COLGALT2: variants seen among roughly 807,000 people sequenced by gnomAD.
The protein encoded by COLGALT2 is collagen beta(1-O)galactosyltransferase 2, also known as procollagen galactosyltransferase 2.
In COLGALT2, 49 loss-of-function variants were observed where a neutral mutation model predicts 73.4. The ratio of observed to expected loss-of-function variants is 0.67; its 90% confidence interval spans 0.53 to 0.85. The LOEUF (loss-of-function observed/expected upper bound fraction) is 0.85. Among genes scored for constraint, COLGALT2 ranks in the 40% least tolerant of loss-of-function variants. The probability of loss-of-function intolerance (pLI) is 0.00; values close to 1 mark genes in which losing one functional copy is unlikely to be tolerated. For missense variants in COLGALT2, 722 were observed against 790.2 expected, an observed-to-expected ratio of 0.91 and a Z score of 1.03; for synonymous variants, 295 against 307.6, an observed-to-expected ratio of 0.96 and a Z score of 0.43.
At chr1:183,960,137 TC>T (rs1195118911) in intron 6 of COLGALT2, among the ~76,000 whole-genome samples, 1 of 152,180 alleles carries the variant, frequency 6.6e-6, no homozygotes, top group Non-Finnish European at 1.5e-5. Flanking sequence ...CCTGATTATC[TC>T]TTCTAACACC....
chr1:183,957,733 G>A (rs1388673230), intron 6 of COLGALT2, among the ~76,000 whole-genome samples: 1 of 141,546 alleles, frequency 7.1e-6, no homozygotes, highest in African/African-American at 2.6e-5. Context: ...GTTGCTAGGT[G>A]TTTTCATAGT....
At chr1:183,978,235 G>T (rs1477108181) in intron 2 of COLGALT2, among the ~76,000 whole-genome samples, 175 bp downstream of exon 2, 1 of 152,178 alleles carries the variant, frequency 6.6e-6, no homozygotes, top group African/African-American at 2.4e-5. Flanking sequence ...TAAACAGCAA[G>T]AGAGTACTGT....
intron 6 of COLGALT2, among the ~76,000 whole-genome samples, chr1:183,961,432 T>C (rs1006812159): frequency 3.3e-5 from 5 of 152,060 alleles, no homozygotes; most frequent in Admixed American, 2.0e-4. Context: ...CCAGAGAGAC[T>C]CTCCCTACTT....
Position 183,938,215 on chromosome 1 carries a change from A to C in COLGALT2, c.*546T>G. 1 of 970,460 alleles carries C rather than the reference A, an allele frequency of 1.0e-6. No homozygotes were observed. Among genetic ancestry groups the C allele is most frequent in the Non-Finnish European group, 1.2e-6 (1 of 818,168 alleles). 60.1% of individuals were successfully genotyped at this position (970,460 alleles called of 1,614,324 possible). A position where few individuals can be genotyped will look rare whatever the true frequency, so the allele number is the denominator to read the frequency against. Reference sequence around the variant, plus strand: ...GACTAAGATTTTTTTTTTTTAAAAAATCTACTTTTCAATAAGACTTGTGAC... The same window carrying C: ...GACTAAGATTTTTTTTTTTTAAAAACTCTACTTTTCAATAAGACTTGTGAC... On this transcript the variant is annotated 3_prime_UTR_variant, in exon 12 of 12. Transcript: ENST00000361927.
intron 1 of COLGALT2, among the ~76,000 whole-genome samples, chr1:184,033,815 G>C (rs1480622378): frequency 6.6e-6 from 1 of 152,220 alleles, no homozygotes; most frequent in Non-Finnish European, 1.5e-5. Context: ...TCTAGCCTGT[G>C]AGTGGATGAA....
intron 4 of COLGALT2, 62 bp downstream of exon 4, chr1:183,973,554 T>G: frequency 1.2e-6 from 2 of 1,600,536 alleles, no homozygotes; most frequent in Non-Finnish European, 1.7e-6. Flanking sequence ...ATGGGACTAC[T>G]GTTGACCGGG....
chr1:183,952,836 A>G (rs930416344), intron 7 of COLGALT2, among the ~76,000 whole-genome samples: 3 of 152,300 alleles, frequency 2.0e-5, no homozygotes, highest in African/African-American at 4.8e-5. Context: ...TATTTGCCTC[A>G]TTACTTGGGA....
intron 6 of COLGALT2, among the ~76,000 whole-genome samples, chr1:183,957,089 A>G (rs1270686259): frequency 6.6e-6 from 1 of 152,090 alleles, no homozygotes; most frequent in African/African-American, 2.4e-5. Flanking sequence ...TCAAGATCTA[A>G]TGTGAATAAT....
At chr1:183,942,770 A>C (rs1012374894) in intron 10 of COLGALT2, among the ~76,000 whole-genome samples, 2 of 152,256 alleles carry the variant, frequency 1.3e-5, no homozygotes, top group Non-Finnish European at 2.9e-5. Context: ...CAACCTGTGA[A>C]ATTTAGAAAA....
chr1:183,940,140 G>T (rs753895759), intron 11 of COLGALT2, among the ~76,000 whole-genome samples: 2 of 152,162 alleles, frequency 1.3e-5, no homozygotes, highest in African/African-American at 2.4e-5. Context: ...ATGATGATTT[G>T]TTCATGAGTC....
rs1670037885 is a variant in COLGALT2, at chr1:183,938,976, G to A, written c.1666C>T (p.Leu556Phe). 1.9e-6 allele frequency: 3 copies of A among 1,614,134 alleles called. No homozygotes were observed. The highest frequency in any genetic ancestry group is 2.5e-6 in the Non-Finnish European group (3 of 1,180,046). ...CCTGTGTAGTGCGTAGGGTAGATGA[G>A]CAAGGGTTCTGCAGAGAAGGCTTTC... Reference protein sequence around the residue: ...DLKAFSAEPLLIYPTHYTGQP... With the variant: ...DLKAFSAEPLFIYPTHYTGQP... Residue 556 changes from leucine to phenylalanine, a missense_variant, in exon 12 of 12, where the codon CTC becomes TTC. Physicochemically the swap from Leu to Phe is conservative, Grantham distance 22. Transcript: ENST00000361927.
At chr1:183,986,925 C>T (rs1357198030) in intron 1 of COLGALT2, among the ~76,000 whole-genome samples, 2 of 152,164 alleles carry the variant, frequency 1.3e-5, no homozygotes, top group African/African-American at 4.8e-5. Flanking sequence ...CCCACCACAC[C>T]TGTCCAACAA....
chr1:183,948,570 C>T (rs1233345675), intron 8 of COLGALT2, among the ~76,000 whole-genome samples: 1 of 152,138 alleles, frequency 6.6e-6, no homozygotes, highest in Non-Finnish European at 1.5e-5. Context: ...AGGGACCTTC[C>T]TCAACCCAGT....
chr1:183,993,861 T>A (rs1572663277), intron 1 of COLGALT2, among the ~76,000 whole-genome samples: 1 of 152,154 alleles, frequency 6.6e-6, no homozygotes, highest in Non-Finnish European at 1.5e-5. Flanking sequence ...CAGAGCTAGA[T>A]TTGAACTCAC....
At chr1:183,952,604 C>T (rs1487853677) in intron 7 of COLGALT2, among the ~76,000 whole-genome samples, 1 of 152,178 alleles carries the variant, frequency 6.6e-6, no homozygotes, top group Non-Finnish European at 1.5e-5. Flanking sequence ...TTAAAAGCTA[C>T]ACTAACTAAA....
In COLGALT2 at chr1:184,030,346, C is replaced by T. The variant is rs557478202; in HGVS notation, c.263+6749G>A. Among the ~76,000 whole-genome samples, 4 of 152,246 alleles carry T rather than the reference C, an allele frequency of 2.6e-5. No homozygotes were observed. The East Asian group carries it at 7.7e-4, about 29-fold the overall frequency. On this transcript the variant is annotated intron_variant, in intron 1 of 11. Coordinates refer to ENST00000361927, the MANE Select transcript of COLGALT2 (RefSeq NM_015101.4). ...AATTTAAACACATATGGTAAAAGTT[C>T]TTCATGATATGGTAACTGGGGAATA...
intron 5 of COLGALT2, among the ~76,000 whole-genome samples, chr1:183,966,248 G>A (rs1042836148): frequency 1.3e-5 from 2 of 152,154 alleles, no homozygotes; most frequent in African/African-American, 2.4e-5. Context: ...CTATGAAAGA[G>A]TCTGCACTCC....
At chr1:183,950,986 G>A in intron 8 of COLGALT2, 21 bp downstream of exon 8, 1 of 1,539,018 alleles carries the variant, frequency 6.5e-7, no homozygotes, top group Non-Finnish European at 9.0e-7. Context: ...CATCTGCAAT[G>A]GGAGAAGAAA....
chr1:183,971,613 A>G (rs555762288), intron 4 of COLGALT2, among the ~76,000 whole-genome samples: 1 of 152,232 alleles, frequency 6.6e-6, no homozygotes, highest in South Asian at 2.1e-4. Flanking sequence ...AAATATGAAC[A>G]TATTACCTTC....
Sources: gnomAD v4.1 joint callset for allele counts (sites outside exome capture counted in the v4.1 genomes callset) on GRCh38, gnomAD v4.1.1 for gene constraint, MANE v1.5 for transcripts, NCBI Gene and HGNC (gene_info 2026-07-23, HGNC 2026-07-21) for gene names.